Variants in PLCB1 observed in about 807,000 individuals in gnomAD.
PLCB1 encodes the protein 1-phosphatidylinositol 4,5-bisphosphate phosphodiesterase beta-1.
Under a neutral mutation model 161.8 loss-of-function variants are expected in PLCB1, and 46 were observed. That is an observed-to-expected ratio of 0.28 (90% CI 0.22 to 0.36). The LOEUF is 0.36. Ranked by LOEUF, PLCB1 falls within the 10% of genes least tolerant of loss-of-function variation. The pLI, the probability that PLCB1 is intolerant of heterozygous loss-of-function variation, is 1.00. For synonymous variants in PLCB1, 517 were observed against 503.7 expected (o/e 1.03, Z -0.35); for missense variants, 1,016 against 1,472.5 (o/e 0.69, Z 5.07).
At chr20:8,444,505 A>C (rs1980723248) in intron 3 of PLCB1, among the ~76,000 whole-genome samples, 1 of 152,166 alleles carries the variant, frequency 6.6e-6, no homozygotes, top group African/African-American at 2.4e-5. Context: ...GCCGCAATAA[A>C]CATACGTGTG....
At chr20:8,833,912 C>A (rs986736993) in intron 31 of PLCB1, among the ~76,000 whole-genome samples, 4 of 152,096 alleles carry the variant, frequency 2.6e-5, no homozygotes, top group Non-Finnish European at 5.9e-5. Flanking sequence ...CTGGAATATT[C>A]TCTGTGGCAG....
At chr20:8,232,210 C>A (rs570339824) in intron 2 of PLCB1, among the ~76,000 whole-genome samples, 1 of 147,364 alleles carries the variant, frequency 6.8e-6, no homozygotes, top group Non-Finnish European at 1.5e-5. Context: ...ATAGCAAGAG[C>A]GCATCTCTTT....
intron 3 of PLCB1, among the ~76,000 whole-genome samples, chr20:8,546,184 G>A (rs992655738): frequency 1.6e-4 from 17 of 104,708 alleles, no homozygotes; most frequent in Non-Finnish European, 2.5e-4. Flanking sequence ...GCATGGTGGC[G>A]TATCCTGTAG....
At chr20:8,185,642 G>C (rs765510387) in intron 2 of PLCB1, among the ~76,000 whole-genome samples, 22 of 151,774 alleles carry the variant, frequency 1.4e-4, no homozygotes, top group Non-Finnish European at 2.9e-4. Flanking sequence ...TGTTTACCTT[G>C]TGTGAGAGGG....
At chr20:8,198,797 T>G (rs759827959) in intron 2 of PLCB1, among the ~76,000 whole-genome samples, 25 of 152,150 alleles carry the variant, frequency 1.6e-4, no homozygotes, top group Non-Finnish European at 3.5e-4. Flanking sequence ...AGTCTTTGTA[T>G]TTCCAACTAC....
chr20:8,309,303 C>T (rs1283514245), intron 2 of PLCB1, among the ~76,000 whole-genome samples: 2 of 152,218 alleles, frequency 1.3e-5, no homozygotes, highest in Admixed American at 6.5e-5. Flanking sequence ...AGAGGGAAAT[C>T]CTCCCTACCC....
At chr20:8,740,275 A>C in intron 21 of PLCB1, 69 bp from the exon 22 acceptor site, 1 of 780,242 alleles carries the variant, frequency 1.3e-6, no homozygotes, top group Non-Finnish European at 2.2e-6. Flanking sequence ...TTCATCACAT[A>C]GATGCGCATA....
At chr20:8,387,397 C>T (rs915659868) in intron 3 of PLCB1, among the ~76,000 whole-genome samples, 11 of 152,160 alleles carry the variant, frequency 7.2e-5, no homozygotes, top group African/African-American at 2.7e-4. Flanking sequence ...AAGGGAACAG[C>T]TGGCCAATGG....
intron 2 of PLCB1, among the ~76,000 whole-genome samples, chr20:8,258,688 C>T (rs545563654): frequency 5.7e-4 from 86 of 152,086 alleles, no homozygotes; most frequent in Admixed American, 9.2e-4. Flanking sequence ...TTAAAATTGG[C>T]GATAATTTCA....
chr20:8,331,636 T>G (rs1380658009), intron 2 of PLCB1, among the ~76,000 whole-genome samples: 3 of 152,224 alleles, frequency 2.0e-5, no homozygotes, highest in Non-Finnish European at 4.4e-5. Context: ...AAAGAGTGGC[T>G]TTGGAATATT....
chr20:8,150,221 T>C, intron 1 of PLCB1, 73 bp from the exon 2 acceptor site: 1 of 653,208 alleles, frequency 1.5e-6, no homozygotes, highest in Admixed American at 2.8e-5. Context: ...AATTATTACT[T>C]CTTAAATAAC....
rs531904472 is a variant in PLCB1 at position 8,590,461 on chromosome 20, G to T, written c.247-37833G>T. Among the ~76,000 whole-genome samples, 158 of 150,466 alleles carry T rather than the reference G, an allele frequency of 1.1e-3. 2 individuals are homozygous for T. Among genetic ancestry groups the T allele is most frequent in the Non-Finnish European group, 3.8e-4 (26 of 67,546 alleles). ...CTTTGCTCTTTGGTAGTTTTTTTTTGTTGTTGTTGTTGCTATTTCTATTGC... is the reference window on the plus strand; with the variant it reads ...CTTTGCTCTTTGGTAGTTTTTTTTTTTTGTTGTTGTTGCTATTTCTATTGC... On this transcript the variant is annotated intron_variant, in intron 3 of 31. Coordinates refer to ENST00000338037, the MANE Select transcript of PLCB1 (RefSeq NM_015192.4).
At chr20:8,241,477 T>C (rs564996707) in intron 2 of PLCB1, among the ~76,000 whole-genome samples, 6 of 152,058 alleles carry the variant, frequency 3.9e-5, no homozygotes, top group African/African-American at 1.2e-4. Context: ...TATTATGTCT[T>C]TGTAGTCACT....
intron 3 of PLCB1, among the ~76,000 whole-genome samples, chr20:8,540,699 G>A (rs1321820343): frequency 6.6e-6 from 1 of 152,094 alleles, no homozygotes; most frequent in Middle Eastern, 3.2e-3. Context: ...ATTGATGAGA[G>A]ACAGGATTAA....
At chr20:8,749,259 G>T (rs1427916939) in intron 23 of PLCB1, among the ~76,000 whole-genome samples, 1 of 152,162 alleles carries the variant, frequency 6.6e-6, no homozygotes, top group Non-Finnish European at 1.5e-5. Flanking sequence ...ATGCTGGTCT[G>T]GGGACCACAC....
At chr20:8,429,434 A>G (rs1979935981) in intron 3 of PLCB1, among the ~76,000 whole-genome samples, 3 of 149,854 alleles carry the variant, frequency 2.0e-5, no homozygotes, top group African/African-American at 4.8e-5. Context: ...GTTGTGACCT[A>G]TTTGTGGGTT....
intron 2 of PLCB1, among the ~76,000 whole-genome samples, chr20:8,369,319 C>T (rs540832192): frequency 4.6e-5 from 7 of 152,102 alleles, no homozygotes; most frequent in African/African-American, 7.2e-5. Flanking sequence ...TTTTGTCTCT[C>T]ATCTTTCACC....
intron 9 of PLCB1, among the ~76,000 whole-genome samples, chr20:8,660,224 C>T (rs555438029): frequency 1.3e-5 from 2 of 152,084 alleles, no homozygotes; most frequent in East Asian, 1.9e-4. Flanking sequence ...CATGGCCAGG[C>T]CTGCCCCTCC....
intron 7 of PLCB1, chr20:8,651,430 G>T: frequency 1.4e-6 from 1 of 725,428 alleles, no homozygotes; most frequent in East Asian, 2.6e-5. Flanking sequence ...AAGCTAATGA[G>T]GCTGCGAAAA....
Sources: allele counts gnomAD v4.1 joint callset (sites outside exome capture counted in the v4.1 genomes callset), GRCh38; gene constraint gnomAD v4.1.1; transcripts MANE v1.5; gene names NCBI Gene and HGNC (gene_info 2026-07-23, HGNC 2026-07-21).